The following ADAMTS19 variants were observed in gnomAD, a reference collection of about 807,000 sequenced individuals.
ADAMTS19 encodes the protein ADAM metallopeptidase with thrombospondin type 1 motif 19.
Under a neutral mutation model 153.3 loss-of-function variants are expected in ADAMTS19, and 93 were observed. That is an observed-to-expected ratio of 0.61 (90% CI 0.51 to 0.72). The LOEUF is 0.72. ADAMTS19 is among the 30% of genes least tolerant of loss of function. ADAMTS19 has a pLI of 0.00. For missense variants in ADAMTS19, 1,482 were observed against 1,552.1 expected (o/e 0.95, Z 0.76); for synonymous variants, 600 against 556.6 (o/e 1.08, Z -1.10).
At chr5:129,613,719 A>G (rs1194251963) in intron 8 of ADAMTS19, among the ~76,000 whole-genome samples, 2 of 152,162 alleles carry the variant, frequency 1.3e-5, no homozygotes, top group Non-Finnish European at 2.9e-5. Flanking sequence ...GATACAAAAA[A>G]CCCTTCAAAA....
chr5:129,605,521 G>A (rs556120961), intron 8 of ADAMTS19, among the ~76,000 whole-genome samples: 1 of 152,258 alleles, frequency 6.6e-6, no homozygotes, highest in Admixed American at 6.5e-5. Context: ...AGGCCTTTCT[G>A]ATAACATTTC....
rs536501235 is a variant in ADAMTS19, at chr5:129,595,222, T to C, written c.1373-1337T>C. Among the ~76,000 whole-genome samples, 183 of 152,208 alleles carry C rather than the reference T, an allele frequency of 1.2e-3. 1 individual carries two copies. The highest frequency in any genetic ancestry group is 4.3e-3 in the African/African-American group (177 of 41,562). Reference sequence around the variant, plus strand: ...GTTGTTGAGAACTTCAGATATACTTTCAGCTAATCTCCATTTTCAACCCTC... The same window carrying C: ...GTTGTTGAGAACTTCAGATATACTTCCAGCTAATCTCCATTTTCAACCCTC... On this transcript the variant is annotated intron_variant, in intron 7 of 22. Coordinates refer to ENST00000274487, the MANE Select transcript of ADAMTS19 (RefSeq NM_133638.6).
chr5:129,540,174 G>A (rs1367404936), intron 6 of ADAMTS19, among the ~76,000 whole-genome samples: 11 of 151,998 alleles, frequency 7.2e-5, no homozygotes, highest in Admixed American at 7.2e-4. Flanking sequence ...AATGCTCATC[G>A]TAGATAACTA....
rs139962735 is a variant in ADAMTS19, at chr5:129,547,500, C to A, written c.1329-4364C>A. ...TTAGAAAGTAAAAGGAATCATACATCAACCACAATTTAATGTTACTTTCAA... is the reference window on the plus strand; with the variant it reads ...TTAGAAAGTAAAAGGAATCATACATAAACCACAATTTAATGTTACTTTCAA... On this transcript the variant is annotated intron_variant, in intron 6 of 22. Coordinates refer to ENST00000274487, the MANE Select transcript of ADAMTS19 (RefSeq NM_133638.6). Among the ~76,000 whole-genome samples, 149 of 150,454 alleles carry A rather than the reference C, an allele frequency of 9.9e-4. 10 individuals carry two copies. The highest frequency in any genetic ancestry group is 3.6e-3 in the African/African-American group (144 of 40,010).
intron 6 of ADAMTS19, among the ~76,000 whole-genome samples, chr5:129,542,295 G>C (rs956759164): frequency 1.3e-5 from 2 of 152,030 alleles, no homozygotes; most frequent in African/African-American, 4.8e-5. Context: ...GTTTCAATGT[G>C]GGGGGATAAT....
intron 8 of ADAMTS19, among the ~76,000 whole-genome samples, chr5:129,601,634 A>C (rs1188202548): frequency 6.6e-6 from 1 of 152,224 alleles, no homozygotes; most frequent in Admixed American, 6.5e-5. Flanking sequence ...AAAGTCACAT[A>C]GGCCAGAGTC....
intron 10 of ADAMTS19, among the ~76,000 whole-genome samples, chr5:129,638,485 T>G (rs1752628075): frequency 1.3e-5 from 2 of 151,966 alleles, no homozygotes; most frequent in African/African-American, 4.8e-5. Flanking sequence ...TCAATTATAT[T>G]AGTCTTTATA....
intron 8 of ADAMTS19, among the ~76,000 whole-genome samples, chr5:129,600,933 G>A (rs921582332): frequency 6.6e-6 from 1 of 151,874 alleles, no homozygotes; most frequent in Admixed American, 6.6e-5. Flanking sequence ...GCAGTGGCTC[G>A]ATCTCTGCTC....
Position 129,665,208 on chromosome 5 carries a change from G to GTT in ADAMTS19, c.2426-281_2426-280dup, listed in dbSNP as rs34474416. On this transcript the variant is annotated intron_variant, in intron 15 of 22. Transcript: ENST00000274487. ...GTTTCTAACCAGGCTGTTCCACTGG[G>GTT]TTTTTTTTTTTCCCTCCTCACAATT... Among the ~76,000 whole-genome samples, 369 of 146,128 alleles carry GTT rather than the reference G, an allele frequency of 2.5e-3. 1 individual carries two copies. Among genetic ancestry groups the GTT allele is most frequent in the African/African-American group, 7.6e-3 (300 of 39,714 alleles).
chr5:129,665,698 A>G (rs972004273), intron 16 of ADAMTS19, 119 bp downstream of exon 16: 1 of 775,558 alleles, frequency 1.3e-6, no homozygotes, highest in African/African-American at 1.8e-5. Flanking sequence ...CTTCCCAGGA[A>G]CTATCTTTTG....
chr5:129,571,330 T>C (rs1753898531), intron 7 of ADAMTS19, among the ~76,000 whole-genome samples: 1 of 151,750 alleles, frequency 6.6e-6, no homozygotes, highest in Non-Finnish European at 1.5e-5. Context: ...ATATGGGTGT[T>C]TATGTGTATA....
At chr5:129,631,898 C>G (rs1561615330) in intron 10 of ADAMTS19, among the ~76,000 whole-genome samples, 1 of 151,862 alleles carries the variant, frequency 6.6e-6, no homozygotes, top group South Asian at 2.1e-4. Flanking sequence ...TTTTTTAACT[C>G]TTTATTTCCC....
At chr5:129,545,458 T>C (rs1409247963) in intron 6 of ADAMTS19, among the ~76,000 whole-genome samples, 2 of 152,224 alleles carry the variant, frequency 1.3e-5, no homozygotes. Flanking sequence ...CTAAAGAAGT[T>C]CTAGGAGAAG....
chr5:129,498,982 G>A (rs1225124348), intron 2 of ADAMTS19, among the ~76,000 whole-genome samples: 1 of 151,760 alleles, frequency 6.6e-6, no homozygotes, highest in African/African-American at 2.4e-5. Flanking sequence ...TCAATTACTT[G>A]CCTACTGCTG....
chr5:129,535,721 C>A (rs1215178704), intron 6 of ADAMTS19, among the ~76,000 whole-genome samples: 2 of 152,064 alleles, frequency 1.3e-5, no homozygotes, highest in East Asian at 1.9e-4. Context: ...GAGATATAGA[C>A]CAATGGAACA....
intron 21 of ADAMTS19, among the ~76,000 whole-genome samples, chr5:129,714,438 A>AG (rs1321909013): frequency 2.0e-5 from 3 of 151,068 alleles, no homozygotes; most frequent in Non-Finnish European, 4.4e-5. Flanking sequence ...AAAAAAAAAA[A>AG]AAAAAGAAAA....
chr5:129,635,308 G>A (rs1473989834), intron 10 of ADAMTS19, among the ~76,000 whole-genome samples: 1 of 152,188 alleles, frequency 6.6e-6, no homozygotes, highest in Non-Finnish European at 1.5e-5. Flanking sequence ...ACTGTTGATG[G>A]GAGTGTAAAT....
chr5:129,699,872 A>C (rs999557123), intron 19 of ADAMTS19, among the ~76,000 whole-genome samples: 1 of 152,222 alleles, frequency 6.6e-6, no homozygotes, highest in Non-Finnish European at 1.5e-5. Flanking sequence ...ACTATATATA[A>C]TATATCCTGA....
chr5:129,614,519 C>A (rs7378565), intron 8 of ADAMTS19, among the ~76,000 whole-genome samples: 13,469 of 151,992 alleles, frequency 0.089, 682 homozygotes, highest in African/African-American at 0.11. Context: ...TAAATTAGGT[C>A]TTGATGGGAC....
Sources: allele counts gnomAD v4.1 joint callset (sites outside exome capture counted in the v4.1 genomes callset), GRCh38; gene constraint gnomAD v4.1.1; transcripts MANE v1.5; gene names NCBI Gene and HGNC (gene_info 2026-07-23, HGNC 2026-07-21).